Variants in RGS7 observed in about 807,000 individuals in gnomAD.
RGS7 encodes regulator of G-protein signaling 7.
RGS7 carries 27 observed loss-of-function variants against 81.1 expected under a neutral mutation model. The observed-to-expected ratio is 0.33, with a 90% CI of 0.25 to 0.46. The LOEUF (loss-of-function observed/expected upper bound fraction) is 0.46. Ranked by LOEUF, RGS7 falls within the 20% of genes least tolerant of loss-of-function variation. The pLI, the probability that RGS7 is intolerant of heterozygous loss-of-function variation, is 1.00. For synonymous variants in RGS7, 208 were observed against 207.7 expected, an observed-to-expected ratio of 1.00 and a Z score of -0.01; for missense variants, 396 against 607.4, an observed-to-expected ratio of 0.65 and a Z score of 3.66.
chr1:240,928,741 C>T (rs1479469787), intron 6 of RGS7, among the ~76,000 whole-genome samples: 1 of 151,518 alleles, frequency 6.6e-6, no homozygotes, highest in Non-Finnish European at 1.5e-5. Context: ...CCCAGGTAAG[C>T]TGGGATTACA....
intron 10 of RGS7, among the ~76,000 whole-genome samples, chr1:240,818,924 G>A (rs1165010064): frequency 6.6e-6 from 1 of 152,052 alleles, no homozygotes; most frequent in Non-Finnish European, 1.5e-5. Context: ...CTAAAAGAGA[G>A]GATTTTAAAT....
intron 6 of RGS7, among the ~76,000 whole-genome samples, chr1:240,887,789 T>G (rs1195955806): frequency 6.6e-6 from 1 of 152,212 alleles, no homozygotes; most frequent in Non-Finnish European, 1.5e-5. Context: ...GATACCTCAG[T>G]GTCATTAAAC....
At chr1:241,022,948 ATAAT>A (rs778817306) in intron 3 of RGS7, among the ~76,000 whole-genome samples, 6 of 152,126 alleles carry the variant, frequency 3.9e-5, no homozygotes, top group Non-Finnish European at 8.8e-5. Context: ...ACCACTACTA[ATAAT>A]TAATAATAAC....
intron 2 of RGS7, among the ~76,000 whole-genome samples, chr1:241,135,493 G>C (rs960159076): frequency 5.9e-5 from 9 of 151,794 alleles, no homozygotes; most frequent in African/African-American, 2.2e-4. Context: ...GTCTGTTGGC[G>C]TGCTCTTGGG....
At chr1:241,037,807 A>G (rs1409877963) in intron 3 of RGS7, among the ~76,000 whole-genome samples, 5 of 152,094 alleles carry the variant, frequency 3.3e-5, no homozygotes, top group African/African-American at 1.2e-4. Flanking sequence ...CGAAATAATG[A>G]CTTTTGCAGC....
chr1:241,161,470 TTAA>T (rs58765085), intron 2 of RGS7, among the ~76,000 whole-genome samples: 2,764 of 148,970 alleles, frequency 0.019, 80 homozygotes, highest in African/African-American at 0.064. Flanking sequence ...CCATGACACA[TTAA>T]TAATAACTAA....
intron 2 of RGS7, among the ~76,000 whole-genome samples, chr1:241,138,629 C>T (rs1037097260): frequency 1.3e-5 from 2 of 152,114 alleles, no homozygotes; most frequent in African/African-American, 4.8e-5. Flanking sequence ...ATTGCGTAGC[C>T]GGTGCCTCCT....
intron 5 of RGS7, among the ~76,000 whole-genome samples, chr1:240,932,876 C>CTTT (rs36194238): frequency 0.013 from 729 of 57,326 alleles, 5 homozygotes; most frequent in Non-Finnish European, 0.015. Flanking sequence ...TGGTATCTTT[C>CTTT]TTTTTTTTTT....
chr1:241,325,541 C>T (rs569477205), intron 2 of RGS7, among the ~76,000 whole-genome samples: 2 of 152,296 alleles, frequency 1.3e-5, no homozygotes, highest in African/African-American at 4.8e-5. Flanking sequence ...GGTGCACACA[C>T]TTAAACCTGC....
chr1:241,041,253 T>A (rs1318260276), intron 3 of RGS7, among the ~76,000 whole-genome samples: 1 of 152,226 alleles, frequency 6.6e-6, no homozygotes, highest in Non-Finnish European at 1.5e-5. Flanking sequence ...AACATATTAC[T>A]GGAAAGTTAA....
chr1:241,345,794 G>A (rs1239486752), intron 2 of RGS7, among the ~76,000 whole-genome samples: 1 of 152,028 alleles, frequency 6.6e-6, no homozygotes, highest in Non-Finnish European at 1.5e-5. Context: ...GAGGTGGGTG[G>A]ATCACAAGGC....
At chr1:241,189,884 G>T (rs1378397473) in intron 2 of RGS7, among the ~76,000 whole-genome samples, 1 of 152,126 alleles carries the variant, frequency 6.6e-6, no homozygotes, top group East Asian at 1.9e-4. Context: ...GGGAGGCCAA[G>T]GCGGGCGGAT....
chr1:240,976,760 TATCTATCTATC>T (rs1476246513), intron 4 of RGS7, among the ~76,000 whole-genome samples: 1 of 148,364 alleles, frequency 6.7e-6, no homozygotes, highest in African/African-American at 2.5e-5. Context: ...TCTATCTATC[TATCTATCTATC>T]ATCGATCTAT....
intron 6 of RGS7, among the ~76,000 whole-genome samples, chr1:240,897,484 A>G (rs1669281989): frequency 6.6e-6 from 1 of 152,204 alleles, no homozygotes; most frequent in East Asian, 1.9e-4. Context: ...GAGAATTTTT[A>G]GCATGAAGTG....
chr1:241,128,705 C>A (rs2066865807), intron 2 of RGS7, among the ~76,000 whole-genome samples: 1 of 121,080 alleles, frequency 8.3e-6, no homozygotes, highest in Non-Finnish European at 1.6e-5. Flanking sequence ...TAAAATATTT[C>A]AAAATTATTT....
rs576157596 is a variant in RGS7, at chr1:241,177,199, G to C, written c.79-78437C>G. ...TCAGATCAGGTCATAAAGTAACAGA[G>C]CAGTAGGCTACTCCACAGAGCTTGC... On this transcript the variant is annotated intron_variant, in intron 2 of 18. Transcript: ENST00000440928. Among the ~76,000 whole-genome samples, 3 of 152,318 alleles carry C rather than the reference G, an allele frequency of 2.0e-5. No individual in the cohort carries two copies. The East Asian group carries it at 5.8e-4, about 29-fold the overall frequency.
At chr1:241,315,184 T>G (rs539145964) in intron 2 of RGS7, among the ~76,000 whole-genome samples, 2 of 120,216 alleles carry the variant, frequency 1.7e-5, no homozygotes, top group East Asian at 2.9e-4. Context: ...GAGAGAGGAG[T>G]GCCAGAAATC....
At chr1:241,059,736 G>A (rs1340803447) in intron 3 of RGS7, among the ~76,000 whole-genome samples, 1 of 150,200 alleles carries the variant, frequency 6.7e-6, no homozygotes, top group Non-Finnish European at 1.5e-5. Context: ...GTGGTTGATT[G>A]GTCCCACCAC....
At chr1:240,854,999 G>A (rs1660808840) in intron 9 of RGS7, among the ~76,000 whole-genome samples, 1 of 151,974 alleles carries the variant, frequency 6.6e-6, no homozygotes, top group Non-Finnish European at 1.5e-5. Flanking sequence ...GAGGATTTAA[G>A]GATACTTTAT....
Sources: gnomAD v4.1 joint callset for allele counts (sites outside exome capture counted in the v4.1 genomes callset) on GRCh38, gnomAD v4.1.1 for gene constraint, MANE v1.5 for transcripts, NCBI Gene and HGNC (gene_info 2026-07-23, HGNC 2026-07-21) for gene names.